RBFOX1: variants seen among roughly 807,000 people sequenced by gnomAD.
RBFOX1 encodes RNA binding protein fox-1 homolog 1.
In RBFOX1, 8 loss-of-function variants were observed where a neutral mutation model predicts 57.7. The ratio of observed to expected loss-of-function variants is 0.14; its 90% CI spans 0.08 to 0.25. The LOEUF (loss-of-function observed/expected upper bound fraction) is 0.25, where lower values mean the gene tolerates loss of function less well. RBFOX1 is among the 10% of genes least tolerant of loss of function. The probability of loss-of-function intolerance (pLI) is 1.00; values close to 1 mark genes in which losing one functional copy is unlikely to be tolerated. For missense variants in RBFOX1, 611 were observed against 548.5 expected, an observed-to-expected ratio of 1.11 and a Z score of -1.14; for synonymous variants, 326 against 222.4, an observed-to-expected ratio of 1.47 and a Z score of -4.15.
chr16:6,072,178 A>G (rs560209832), intron 1 of RBFOX1, among the ~76,000 whole-genome samples: 99 of 152,232 alleles, frequency 6.5e-4, no homozygotes, highest in African/African-American at 2.1e-3. Context: ...TTATAACATC[A>G]TCATCTCATG....
intron 3 of RBFOX1, among the ~76,000 whole-genome samples, chr16:6,780,192 T>C (rs1165360105): frequency 5.5e-5 from 2 of 36,628 alleles, no homozygotes; most frequent in African/African-American, 2.3e-4. Context: ...TATATATATT[T>C]ATATATTTTT....
At chr16:7,065,725 C>A (rs1220029303) in intron 4 of RBFOX1, among the ~76,000 whole-genome samples, 5 of 152,134 alleles carry the variant, frequency 3.3e-5, no homozygotes, top group African/African-American at 1.2e-4. Context: ...CCTGTAGCCG[C>A]CATGTTGCAC....
chr16:7,456,933 C>G (rs1256720555), intron 4 of RBFOX1, among the ~76,000 whole-genome samples: 1 of 151,978 alleles, frequency 6.6e-6, no homozygotes, highest in East Asian at 1.9e-4. Flanking sequence ...CTCTTGTTGC[C>G]CAGGCTGAGT....
chr16:6,021,707 C>G (rs1316867040), intron 1 of RBFOX1, among the ~76,000 whole-genome samples: 1 of 152,170 alleles, frequency 6.6e-6, no homozygotes, highest in Non-Finnish European at 1.5e-5. Flanking sequence ...AGCTTTATGG[C>G]TCAGAAGAGC....
chr16:5,511,062 G>A (rs560067865), intron 2 of RBFOX1, among the ~76,000 whole-genome samples: 53 of 152,290 alleles, frequency 3.5e-4, no homozygotes, highest in African/African-American at 1.3e-3. Flanking sequence ...ACAGCATGAT[G>A]CAATTGGCCG....
rs1354758783 is a variant in RBFOX1 at position 6,796,762 on chromosome 16, C to T, written c.-16+142112C>T. Among the ~76,000 whole-genome samples, 5 of 152,314 alleles carry T rather than the reference C, an allele frequency of 3.3e-5. No individual in the cohort carries two copies. In the East Asian group the frequency reaches 9.6e-4, roughly 29 times the overall value. On this transcript the variant is annotated intron_variant, in intron 3 of 15. Coordinates refer to ENST00000550418, the MANE Select transcript of RBFOX1 (RefSeq NM_018723.4). ...ATCCTAAACGCCCCATGAAGATGGG[C>T]CTACATCTGCCTTCCAACTTCTTCT...
intron 3 of RBFOX1, among the ~76,000 whole-genome samples, chr16:5,703,453 G>A (rs1430152258): frequency 6.6e-6 from 1 of 152,212 alleles, no homozygotes; most frequent in African/African-American, 2.4e-5. Flanking sequence ...AGGGCAAGCT[G>A]GGAGTGGCAT....
chr16:5,890,627 G>T (rs905765367), intron 4 of RBFOX1, among the ~76,000 whole-genome samples: 1 of 150,540 alleles, frequency 6.6e-6, no homozygotes, highest in Non-Finnish European at 1.5e-5. Flanking sequence ...AACCCAGGAG[G>T]TGGAGATTGC....
At chr16:5,510,711 G>C (rs1481228732) in intron 2 of RBFOX1, among the ~76,000 whole-genome samples, 1 of 152,148 alleles carries the variant, frequency 6.6e-6, no homozygotes, top group Non-Finnish European at 1.5e-5. Flanking sequence ...AACCAAGCTT[G>C]GTACCTAGTA....
At chr16:6,133,626 C>G (rs932805195) in intron 1 of RBFOX1, among the ~76,000 whole-genome samples, 1 of 152,172 alleles carries the variant, frequency 6.6e-6, no homozygotes, top group Non-Finnish European at 1.5e-5. Flanking sequence ...TACCTAAAAC[C>G]CTTTGGTGGC....
chr16:6,270,064 A>T (rs1383543161), intron 1 of RBFOX1, among the ~76,000 whole-genome samples: 3 of 152,154 alleles, frequency 2.0e-5, no homozygotes, highest in Non-Finnish European at 2.9e-5. Flanking sequence ...GATAACTGCT[A>T]AAAAAATCTG....
At chr16:6,403,536 T>A (rs942665507) in intron 2 of RBFOX1, among the ~76,000 whole-genome samples, 2 of 152,016 alleles carry the variant, frequency 1.3e-5, no homozygotes, top group Non-Finnish European at 2.9e-5. Context: ...CCTAATTTTT[T>A]AATTATCTGT....
At chr16:7,062,731 C>A (rs1375440394) in intron 4 of RBFOX1, among the ~76,000 whole-genome samples, 1 of 151,976 alleles carries the variant, frequency 6.6e-6, no homozygotes, top group Admixed American at 6.6e-5. Context: ...GATTGAAAAC[C>A]TGGAGTTCAT....
intron 1 of RBFOX1, among the ~76,000 whole-genome samples, chr16:6,046,382 A>T (rs533168204): frequency 6.6e-6 from 1 of 152,280 alleles, no homozygotes; most frequent in African/African-American, 2.4e-5. Flanking sequence ...ATAGCTGAAG[A>T]TCTAATTTGT....
intron 4 of RBFOX1, among the ~76,000 whole-genome samples, chr16:7,210,201 C>A (rs1447127729): frequency 5.3e-5 from 8 of 152,082 alleles, no homozygotes. Context: ...GAAACACAAC[C>A]AATAGGATAC....
At chr16:6,447,629 G>A (rs914830341) in intron 2 of RBFOX1, among the ~76,000 whole-genome samples, 5 of 152,064 alleles carry the variant, frequency 3.3e-5, no homozygotes, top group African/African-American at 4.8e-5. Flanking sequence ...CTCTACGTGC[G>A]CGGACAAATC....
rs140930717 is a variant in RBFOX1, at chr16:7,002,809, T to A, written c.-15-49248T>A. ...GCTTTGTTTGAGGAATGTGTTGTGGTAGATGCTATATAATAAAGGGAAATT... is the reference window on the plus strand; with the variant it reads ...GCTTTGTTTGAGGAATGTGTTGTGGAAGATGCTATATAATAAAGGGAAATT... On this transcript the variant is annotated intron_variant, in intron 3 of 15. Transcript: ENST00000550418. 2.5e-3 allele frequency among the ~76,000 whole-genome samples: 381 copies of A among 152,284 alleles called. 1 individual carries two copies. Among genetic ancestry groups the A allele is most frequent in the Admixed American group, 0.02 (301 of 15,296 alleles).
At chr16:5,265,980 A>G (rs1245510803) in intron 1 of RBFOX1, among the ~76,000 whole-genome samples, 1 of 152,044 alleles carries the variant, frequency 6.6e-6, no homozygotes, top group Non-Finnish European at 1.5e-5. Flanking sequence ...TTCAAGAAAA[A>G]TCACTTGAAA....
At chr16:6,847,475 G>A (rs1267141000) in intron 3 of RBFOX1, among the ~76,000 whole-genome samples, 1 of 152,070 alleles carries the variant, frequency 6.6e-6, no homozygotes, top group African/African-American at 2.4e-5. Flanking sequence ...CAGGGGGTGG[G>A]CTGGAATCCT....
Sources: allele counts gnomAD v4.1 joint callset (sites outside exome capture counted in the v4.1 genomes callset), GRCh38; gene constraint gnomAD v4.1.1; transcripts MANE v1.5; gene names NCBI Gene and HGNC (gene_info 2026-07-23, HGNC 2026-07-21).